Variants in MPRIP observed in about 807,000 individuals in gnomAD.
The protein encoded by MPRIP is myosin phosphatase Rho interacting protein, also known as myosin phosphatase Rho-interacting protein.
MPRIP carries 59 observed loss-of-function variants against 234.9 expected under a neutral mutation model. The observed-to-expected ratio is 0.25, with a 90% CI of 0.20 to 0.31. The LOEUF (loss-of-function observed/expected upper bound fraction) is 0.31, where lower values mean the gene tolerates loss of function less well. MPRIP is among the 10% of genes least tolerant of loss of function. The pLI is 1.00. For synonymous variants in MPRIP, 1,144 were observed against 1,263.9 expected, an observed-to-expected ratio of 0.91 and a Z score of 2.01; for missense variants, 2,436 against 3,071.0, an observed-to-expected ratio of 0.79 and a Z score of 4.89.
At chr17:17,054,143 A>G (rs375285348) in intron 1 of MPRIP, among the ~76,000 whole-genome samples, 6 of 152,376 alleles carry the variant, frequency 3.9e-5, no homozygotes, top group African/African-American at 1.4e-4. Context: ...AGGAAGATGA[A>G]TAAAAACAAG....
chr17:17,089,530 C>T (rs1364215924), intron 3 of MPRIP, among the ~76,000 whole-genome samples: 1 of 151,998 alleles, frequency 6.6e-6, no homozygotes, highest in African/African-American at 2.4e-5. Context: ...TGCAGTGGCG[C>T]AGTCATAGCT....
At chr17:17,105,427 G>A (rs985248278) in intron 3 of MPRIP, among the ~76,000 whole-genome samples, 1 of 152,156 alleles carries the variant, frequency 6.6e-6, no homozygotes, top group African/African-American at 2.4e-5. Flanking sequence ...GAAACTGGGT[G>A]GGGACCCCTC....
Position 17,166,384 on chromosome 17 carries a change from C to G in MPRIP, c.4793C>G (p.Ser1598Cys). 1 of 1,304,544 alleles carries G rather than the reference C, an allele frequency of 7.7e-7. No homozygotes were observed. The allele number at this position is 1,304,544 out of a possible 1,614,324, so 80.8% of individuals were successfully genotyped here. The change falls in exon 16 of 24, where the codon TCT becomes TGT. Residue 1598 changes from serine (S) to cysteine (C), a missense_variant. Ser to Cys is a moderately radical substitution (Grantham distance 112). Around this residue, in one of 4 missense-constraint regions of MPRIP, gnomAD observed 1,998 missense variants for 2,520.3 expected, o/e 0.79. Transcript: ENST00000651222. The surrounding 1 kb of genome is among the most constrained non-coding windows in gnomAD (Gnocchi z 4.4). ...GTCTCCCGAATGCTCCATGAGATTT[C>G]TTGGTCAGGACAGCCACCGATGGAA... ...SDVSRMLHEI[S>C]WSGQPPMESA...
intron 1 of MPRIP, among the ~76,000 whole-genome samples, chr17:17,068,523 C>CT (rs1214051629): frequency 1.3e-5 from 2 of 151,284 alleles, no homozygotes; most frequent in African/African-American, 4.8e-5. Context: ...TGATTTCTAC[C>CT]TTTATCTTTT....
Position 17,158,808 on chromosome 17 carries a change from C to G in MPRIP, c.2206C>G (p.Arg736Gly). The G allele has an allele frequency of 6.2e-7, 1 of 1,611,662 alleles. No homozygotes were observed. ...EDAALRMEVD[R>G]SPGLPMSDLK... Reference sequence around the variant, plus strand: ...TGCAGCCCTGCGCATGGAGGTGGACCGGAGCCCAGGGCTGCCTATGAGCGA... The same window carrying G: ...TGCAGCCCTGCGCATGGAGGTGGACGGGAGCCCAGGGCTGCCTATGAGCGA... The change falls in exon 14 of 24, where the codon CGG becomes GGG. Residue 736 changes from arginine (R) to glycine (G), a missense_variant. By Grantham distance (125) the Arg-to-Gly change is moderately radical. This residue lies in a region of MPRIP where 1,998 missense variants were observed against 2,520.3 expected (regional missense o/e 0.79). Coordinates refer to ENST00000651222, the MANE Select transcript of MPRIP (RefSeq NM_001364716.4).
intron 3 of MPRIP, among the ~76,000 whole-genome samples, chr17:17,125,433 G>A (rs2090472551): frequency 6.6e-6 from 1 of 152,240 alleles, no homozygotes; most frequent in Non-Finnish European, 1.5e-5. Flanking sequence ...AAAAGAGCCA[G>A]CAGCCATGTA....
chr17:17,099,081 T>C (rs560682368), intron 3 of MPRIP, among the ~76,000 whole-genome samples: 1 of 147,086 alleles, frequency 6.8e-6, no homozygotes, highest in East Asian at 1.9e-4. Flanking sequence ...TGCAAAAGGC[T>C]TCTTTTCTTT....
intron 3 of MPRIP, among the ~76,000 whole-genome samples, chr17:17,088,034 T>C (rs2089631309): frequency 6.6e-6 from 1 of 152,240 alleles, no homozygotes; most frequent in South Asian, 2.1e-4. Context: ...CTTCCCTGTG[T>C]TGCCTGAGTG....
intron 3 of MPRIP, among the ~76,000 whole-genome samples, chr17:17,088,375 C>A (rs2089639897): frequency 6.6e-6 from 1 of 152,134 alleles, no homozygotes; most frequent in African/African-American, 2.4e-5. Context: ...CCCTCCCACA[C>A]AGAGAGAAAT....
intron 22 of MPRIP, among the ~76,000 whole-genome samples, chr17:17,177,963 G>A (rs1459409557): frequency 7.5e-6 from 1 of 133,808 alleles, no homozygotes; most frequent in African/African-American, 2.8e-5. Context: ...GTCTTGCTCT[G>A]TTGCCCAGGG....
Position 17,165,177 on chromosome 17 carries a change from G to A in MPRIP, c.3586G>A (p.Val1196Ile), listed in dbSNP as rs2045957728. ...CCTCAATGAGGCTTTGGTTAAAATG[G>A]TTGCCTTGGGGAGCAGCTTAGAGGA... is the stretch of plus-strand genomic sequence containing the variant. The part of the protein sequence containing the change: ...QDLNEALVKM[V>I]ALGSSLEETE... Residue 1196 changes from valine (V) to isoleucine (I), a missense_variant, in exon 16 of 24, where the codon GTT becomes ATT. Transcript: ENST00000651222. 1 of 1,304,104 alleles carries A rather than the reference G, an allele frequency of 7.7e-7. No individual in the cohort carries two copies. The highest frequency in any genetic ancestry group is 1.5e-5 in the African/African-American group (1 of 65,878). 80.8% of individuals were successfully genotyped at this position (1,304,104 alleles called of 1,614,324 possible).
At chr17:17,152,679 G>A (rs79847443) in intron 12 of MPRIP, among the ~76,000 whole-genome samples, 155 of 152,340 alleles carry the variant, frequency 1.0e-3, no homozygotes, top group African/African-American at 3.4e-3. Flanking sequence ...TCAGGTTGGC[G>A]CTGGTCCAGC....
chr17:17,156,142 C>A (rs1290803577), intron 13 of MPRIP, among the ~76,000 whole-genome samples: 1 of 152,230 alleles, frequency 6.6e-6, no homozygotes, highest in Non-Finnish European at 1.5e-5. Context: ...GCAATCCTGT[C>A]TGGAAGAAGT....
At chr17:17,114,783 C>T (rs1021933951) in intron 3 of MPRIP, among the ~76,000 whole-genome samples, 1 of 152,046 alleles carries the variant, frequency 6.6e-6, no homozygotes, top group Admixed American at 6.5e-5. Context: ...GCTCCTCTGG[C>T]AGAGGGCCCT....
intron 1 of MPRIP, among the ~76,000 whole-genome samples, chr17:17,069,220 T>C (rs1409573720): frequency 2.0e-5 from 3 of 151,966 alleles, no homozygotes; most frequent in African/African-American, 7.2e-5. Context: ...TGCTGAAATA[T>C]AATTTATCTG....
rs944702746 is a variant in MPRIP, at chr17:17,165,474, G to A, written c.3883G>A (p.Val1295Met). ...REDSMVPPKS[V>M]EVLDREGHQQ... The stretch of plus-strand genomic sequence containing the variant: ...AGACAGCATGGTGCCCCCAAAGTCA[G>A]TGGAAGTGCTTGACAGGGAGGGCCA... Residue 1295 changes from valine (V) to methionine (M), a missense_variant, in exon 16 of 24, where the codon GTG becomes ATG. By Grantham distance (21) the Val-to-Met change is conservative. Transcript: ENST00000651222. The A allele has an allele frequency of 3.1e-6, 4 of 1,304,202 alleles. No individual in the cohort carries two copies. The African/African-American group carries it at 4.6e-5, about 15-fold the overall frequency. 80.8% of individuals were successfully genotyped at this position (1,304,202 alleles called of 1,614,324 possible).
intron 8 of MPRIP, 124 bp downstream of exon 8, chr17:17,142,889 C>T: frequency 4.6e-6 from 5 of 1,092,808 alleles, no homozygotes; most frequent in Non-Finnish European, 6.5e-6. Flanking sequence ...TCTCCAACCA[C>T]CTCCTCTGCA....
intron 3 of MPRIP, among the ~76,000 whole-genome samples, chr17:17,114,588 T>C (rs981038876): frequency 2.0e-5 from 3 of 152,248 alleles, no homozygotes; most frequent in African/African-American, 4.8e-5. Flanking sequence ...TTGTTGCATA[T>C]GGTGTAGTGT....
At chr17:17,101,879 G>T (rs146244430) in intron 3 of MPRIP, among the ~76,000 whole-genome samples, 29 of 152,230 alleles carry the variant, frequency 1.9e-4, no homozygotes, top group African/African-American at 5.8e-4. Flanking sequence ...GCCTGCCTTG[G>T]CTCTACATCC....
Sources: allele counts gnomAD v4.1 joint callset (sites outside exome capture counted in the v4.1 genomes callset), GRCh38; gene constraint gnomAD v4.1.1; regional missense constraint gnomAD v4.1.1; non-coding constraint Gnocchi (gnomAD v3.1); transcripts MANE v1.5; gene names NCBI Gene and HGNC (gene_info 2026-07-23, HGNC 2026-07-21).